The following HLA-DRB1 variants were observed in gnomAD, a reference collection of about 807,000 sequenced individuals.
HLA-DRB1 encodes the protein major histocompatibility complex, class II, DR beta 1 precursor.
A neutral mutation model predicts 27.9 loss-of-function variants in HLA-DRB1; 10 were observed. The ratio of observed to expected loss-of-function variants is 0.36; its 90% CI spans 0.22 to 0.61. HLA-DRB1 has a LOEUF of 0.61. HLA-DRB1 is among the 20% of genes least tolerant of loss of function. HLA-DRB1 has a pLI of 0.73. For missense variants in HLA-DRB1, 118 were observed against 306.3 expected (o/e 0.39, Z 4.59); for synonymous variants, 57 against 126.7 (o/e 0.45, Z 3.69).
intron 2 of HLA-DRB1, among the ~76,000 whole-genome samples, chr6:32,582,919 A>G (rs34580934): frequency 0.22 from 29,059 of 129,778 alleles, 2,847 homozygotes; most frequent in East Asian, 0.32. Context: ...ACAAAATGGC[A>G]GATTTCAGAT....
chr6:32,589,525 G>A lies in HLA-DRB1; in HGVS notation c.100+118C>T, dbSNP rs182986248. 994 of 471,318 alleles carry A rather than the reference G, an allele frequency of 2.1e-3. 9 individuals are homozygous for A. The highest frequency in any genetic ancestry group is 2.6e-3 in the Non-Finnish European group (708 of 270,298). The allele number at this position is 471,318 out of a possible 1,614,324, so 29.2% of individuals were successfully genotyped here. ...TAATTTGGGATCCAATGATAAAGAT[G>A]GGCAATCTCTGAAGAAAACGTCACA... is the stretch of plus-strand genomic sequence containing the variant. On this transcript the variant is annotated intron_variant, in intron 1 of 5. Transcript: ENST00000360004.
rs35024084 is a variant in HLA-DRB1 at position 32,587,194 on chromosome 6, A to G, written c.100+2449T>C. Among the ~76,000 whole-genome samples, 7 of 51,400 alleles carry G rather than the reference A, an allele frequency of 1.4e-4. 3 individuals are homozygous for G. Among genetic ancestry groups the G allele is most frequent in the Non-Finnish European group, 2.0e-4 (5 of 25,444 alleles). 33.7% of individuals were successfully genotyped at this position (51,400 alleles called of 152,430 possible). ...TCAGGAGATCGAGACCATCCTGGCTAACACGGTGAAACCCTATCCCTACTA... is the reference window on the plus strand; with the variant it reads ...TCAGGAGATCGAGACCATCCTGGCTGACACGGTGAAACCCTATCCCTACTA... On this transcript the variant is annotated intron_variant, in intron 1 of 5. Transcript: ENST00000360004.
intron 4 of HLA-DRB1, 107 bp from the exon 5 acceptor site, chr6:32,580,377 A>G: frequency 1.9e-6 from 1 of 526,724 alleles, no homozygotes; most frequent in Non-Finnish European, 3.4e-6. Flanking sequence ...CTCTAACACC[A>G]CAACCCACAC....
In HLA-DRB1 at chr6:32,581,540, G is replaced by C; in HGVS notation, c.652+17C>G. The C allele has an allele frequency of 2.1e-6, 2 of 932,548 alleles. No individual in the cohort carries two copies. Among genetic ancestry groups the C allele is most frequent in the African/African-American group, 2.5e-5 (1 of 40,028 alleles). 57.8% of individuals were successfully genotyped at this position (932,548 alleles called of 1,614,324 possible). A position where few individuals can be genotyped will look rare whatever the true frequency, so the allele number is the denominator to read the frequency against. On this transcript the variant is annotated intron_variant, in intron 3 of 5. Coordinates refer to ENST00000360004, the Ensembl canonical transcript of HLA-DRB1. ...TCTTAGTGGGTGAGAAATTTAGGAA[G>C]TCAGAAAGCTGCTCACTCCATTCCA...
chr6:32,583,406 A>T (rs41283817), intron 2 of HLA-DRB1, among the ~76,000 whole-genome samples: 879 of 41,278 alleles, frequency 0.021, 17 homozygotes, highest in Middle Eastern at 0.04. Context: ...ATTATAATAA[A>T]ATAGTAACCG....
intron 1 of HLA-DRB1, among the ~76,000 whole-genome samples, chr6:32,587,580 T>C (rs9270150): frequency 0.65 from 38,143 of 58,402 alleles, 15,597 homozygotes; most frequent in Middle Eastern, 0.78. Context: ...ATTTAACACA[T>C]CAGGGCTTTC....
intron 1 of HLA-DRB1, among the ~76,000 whole-genome samples, chr6:32,589,370 C>T (rs1381234492): frequency 3.5e-5 from 5 of 143,068 alleles, no homozygotes; most frequent in Non-Finnish European, 7.5e-5. Context: ...TCTAAATCCT[C>T]TAAAGACCCT....
chr6:32,584,560 C>A (rs1454833898), intron 1 of HLA-DRB1, among the ~76,000 whole-genome samples, 182 bp from the exon 2 acceptor site: 1 of 113,052 alleles, frequency 8.8e-6, no homozygotes, highest in African/African-American at 3.0e-5. Flanking sequence ...GAACGGGGGC[C>A]TGGGGGACCA....
chr6:32,584,574 G>A (rs1239755184), intron 1 of HLA-DRB1, among the ~76,000 whole-genome samples, 196 bp from the exon 2 acceptor site: 1 of 147,182 alleles, frequency 6.8e-6, no homozygotes, highest in Non-Finnish European at 1.5e-5. Flanking sequence ...GGGACCATGC[G>A]GGAAAACCCC....
intron 2 of HLA-DRB1, among the ~76,000 whole-genome samples, chr6:32,583,099 G>A (rs9269878): frequency 2.4e-5 from 2 of 82,942 alleles, no homozygotes; most frequent in East Asian, 3.8e-4. Flanking sequence ...AAAGAACGCA[G>A]AAAGTCACTG....
intron 1 of HLA-DRB1, among the ~76,000 whole-genome samples, chr6:32,585,286 T>G (rs1224400976): frequency 1.3e-5 from 1 of 79,938 alleles, no homozygotes; most frequent in Non-Finnish European, 2.5e-5. Flanking sequence ...GTGTCAATAA[T>G]TCAGACACAA....
intron 2 of HLA-DRB1, among the ~76,000 whole-genome samples, chr6:32,582,289 A>G (rs28723986): frequency 2.7e-5 from 3 of 112,180 alleles, no homozygotes; most frequent in East Asian, 2.7e-4. Context: ...GGATTAATGC[A>G]CGTAAAATAT....
intron 1 of HLA-DRB1, among the ~76,000 whole-genome samples, chr6:32,587,492 TA>T (rs1247815063): frequency 2.5e-5 from 1 of 40,542 alleles, no homozygotes. Context: ...CTCTGTGTCC[TA>T]CCCTCATCTT....
intron 1 of HLA-DRB1, among the ~76,000 whole-genome samples, chr6:32,585,539 T>C (rs1181080037): frequency 4.5e-5 from 2 of 44,410 alleles, no homozygotes; most frequent in East Asian, 1.2e-3. Flanking sequence ...ATTTTAACTT[T>C]TCTGATCCTA....
chr6:32,589,808 A>C (rs17211091), exon 1 of HLA-DRB1: 65,667 of 265,406 alleles, frequency 0.25, 12,423 homozygotes, highest in African/African-American at 0.39. Flanking sequence ...AGAACTATGA[A>C]CCCCTCCACC....
chr6:32,584,711 G>A (rs28724130), intron 1 of HLA-DRB1, among the ~76,000 whole-genome samples: 16,605 of 50,626 alleles, frequency 0.33, 2,348 homozygotes, highest in Middle Eastern at 0.41. Context: ...GAGCCCCAAA[G>A]ACACTCTCTG....
At chr6:32,581,335 G>GCATGACTGATTCCAC (rs1775445883) in intron 3 of HLA-DRB1, among the ~76,000 whole-genome samples, 4 of 83,854 alleles carry the variant, frequency 4.8e-5, no homozygotes, top group Non-Finnish European at 7.2e-5. Flanking sequence ...AGGTTCAAAA[G>GCATGACTGATTCCAC]AGGGACAGTC....
At chr6:32,582,243 G>A in intron 2 of HLA-DRB1, among the ~76,000 whole-genome samples, 1 of 145,890 alleles carries the variant, frequency 6.9e-6, no homozygotes, top group Admixed American at 6.9e-5. Context: ...TACAATGAAG[G>A]ATAATTATAC....
At position 32,581,845 on chromosome 6, in the gene HLA-DRB1, G is replaced by A. The variant is rs775763997; in HGVS notation, c.371-7C>T. ...ACAGTCACCTTAGGTTGGACTAGGA[G>A]AAAAACAACGTAGAGGGAATGAGTC... On this transcript the variant is annotated splice_region_variant and splice_polypyrimidine_tract_variant and intron_variant, in intron 2 of 5. Transcript: ENST00000360004. The A allele has an allele frequency of 9.4e-7, 1 of 1,066,062 alleles. No homozygotes were observed. 66.0% of individuals were successfully genotyped at this position (1,066,062 alleles called of 1,614,324 possible).
Sources: allele counts gnomAD v4.1 joint callset (sites outside exome capture counted in the v4.1 genomes callset), GRCh38; gene constraint gnomAD v4.1.1; transcripts MANE v1.5; gene names NCBI Gene and HGNC (gene_info 2026-07-23, HGNC 2026-07-21).